MEI4: variants seen among roughly 807,000 people sequenced by gnomAD.
MEI4 encodes the protein meiosis-specific protein MEI4.
Under a neutral mutation model 31.4 loss-of-function variants are expected in MEI4, and 27 were observed. The ratio of observed to expected loss-of-function variants is 0.86; its 90% CI spans 0.63 to 1.19. The LOEUF is 1.19. Ranked by LOEUF, MEI4 falls within the 50% of genes most tolerant of loss-of-function variation. MEI4 has a pLI of 0.00. For missense variants in MEI4, 329 were observed against 398.9 expected, an observed-to-expected ratio of 0.82 and a Z score of 1.49; for synonymous variants, 122 against 145.4, an observed-to-expected ratio of 0.84 and a Z score of 1.16.
intron 2 of MEI4, among the ~76,000 whole-genome samples, chr6:77,742,160 G>A (rs1767425881): frequency 6.6e-6 from 1 of 151,926 alleles, no homozygotes; most frequent in Non-Finnish European, 1.5e-5. Context: ...TGGGTCAAAT[G>A]GTATTTCTAG....
At chr6:77,672,590 A>T (rs1015117717) in intron 1 of MEI4, among the ~76,000 whole-genome samples, 4 of 152,130 alleles carry the variant, frequency 2.6e-5, no homozygotes, top group Non-Finnish European at 5.9e-5. Context: ...CCCAGGCTGG[A>T]GTGCAGTGTC....
intron 1 of MEI4, among the ~76,000 whole-genome samples, chr6:77,666,804 AAC>A (rs1244695268): frequency 1.3e-5 from 2 of 152,104 alleles, no homozygotes; most frequent in East Asian, 3.9e-4. Context: ...TTAGAAAGAA[AAC>A]ACAACTCCTT....
At chr6:77,909,016 A>G (rs1004636079) in intron 4 of MEI4, among the ~76,000 whole-genome samples, 3 of 152,142 alleles carry the variant, frequency 2.0e-5, no homozygotes, top group Admixed American at 6.6e-5. Flanking sequence ...ATAGACATCT[A>G]CAGAACTCTC....
chr6:77,734,611 T>C (rs542405226), intron 2 of MEI4, among the ~76,000 whole-genome samples: 40 of 152,230 alleles, frequency 2.6e-4, no homozygotes, highest in African/African-American at 9.4e-4. Flanking sequence ...TCTGTGTCTT[T>C]TAATTGGAGC....
chr6:77,692,222 C>T (rs1312417234), intron 2 of MEI4, among the ~76,000 whole-genome samples: 5 of 152,038 alleles, frequency 3.3e-5, no homozygotes, highest in African/African-American at 4.8e-5. Flanking sequence ...TAAGTGACAC[C>T]TCCTCAGTGA....
At chr6:77,818,531 A>G (rs920485655) in intron 3 of MEI4, among the ~76,000 whole-genome samples, 1 of 152,136 alleles carries the variant, frequency 6.6e-6, no homozygotes, top group African/African-American at 2.4e-5. Flanking sequence ...GTCTTTGTAA[A>G]TATACACAAA....
intron 2 of MEI4, among the ~76,000 whole-genome samples, chr6:77,696,433 C>T (rs1192117707): frequency 3.3e-5 from 5 of 152,080 alleles, no homozygotes; most frequent in East Asian, 1.9e-4. Flanking sequence ...TTTTGAGGTA[C>T]GTCCCATCAA....
In MEI4 at chr6:77,899,120, C is replaced by T. The variant is rs972232664; in HGVS notation, c.901-23969C>T. ...CTGCATCTATATTTTCAAACAGGAA[C>T]GTTGATAAAGGGGAATGTGAAACGT... On this transcript the variant is annotated intron_variant, in intron 4 of 4. Transcript: ENST00000684080. Among the ~76,000 whole-genome samples, 4 of 151,982 alleles carry T rather than the reference C, an allele frequency of 2.6e-5. No homozygotes were observed. In the South Asian group the frequency reaches 8.3e-4, roughly 31 times the overall value.
At chr6:77,853,073 CT>C (rs1770666929) in intron 4 of MEI4, among the ~76,000 whole-genome samples, 1 of 152,100 alleles carries the variant, frequency 6.6e-6, no homozygotes, top group African/African-American at 2.4e-5. Context: ...TGGCACATGC[CT>C]GTAATCCCAC....
intron 2 of MEI4, among the ~76,000 whole-genome samples, chr6:77,743,854 A>G (rs540870356): frequency 6.6e-6 from 1 of 152,362 alleles, no homozygotes; most frequent in African/African-American, 2.4e-5. Context: ...TACGCAGGCA[A>G]ACAGGGTGTG....
intron 4 of MEI4, among the ~76,000 whole-genome samples, chr6:77,860,810 A>G (rs1770846145): frequency 6.6e-6 from 1 of 152,012 alleles, no homozygotes; most frequent in Admixed American, 6.6e-5. Context: ...AATCACTGAA[A>G]TTGCCTCTCC....
intron 3 of MEI4, 55 bp downstream of exon 3, chr6:77,761,720 C>T: frequency 6.2e-6 from 7 of 1,137,216 alleles, no homozygotes; most frequent in Non-Finnish European, 7.8e-6. Flanking sequence ...TAGTGAACAT[C>T]TCTTTGGGTA....
chr6:77,858,614 G>C (rs1476980742), intron 4 of MEI4, among the ~76,000 whole-genome samples: 1 of 151,934 alleles, frequency 6.6e-6, no homozygotes, highest in Admixed American at 6.6e-5. Context: ...TAAAATTTAA[G>C]GTGGCCTTTC....
At chr6:77,779,291 G>A (rs1333430280) in intron 3 of MEI4, among the ~76,000 whole-genome samples, 4 of 152,172 alleles carry the variant, frequency 2.6e-5, no homozygotes, top group African/African-American at 9.7e-5. Flanking sequence ...CAGCTTTGCT[G>A]CATGCTACTC....
chr6:77,775,551 A>G (rs1214196140), intron 3 of MEI4, among the ~76,000 whole-genome samples: 1 of 152,010 alleles, frequency 6.6e-6, no homozygotes, highest in South Asian at 2.1e-4. Context: ...TTCATGGTAT[A>G]TTTATATACC....
chr6:77,892,163 A>G (rs559702848), intron 4 of MEI4, among the ~76,000 whole-genome samples: 7 of 152,222 alleles, frequency 4.6e-5, no homozygotes, highest in African/African-American at 1.7e-4. Context: ...AGTGGTGTAC[A>G]TAGTGGGTGT....
chr6:77,694,559 A>T (rs548857289), intron 2 of MEI4, among the ~76,000 whole-genome samples: 1,543 of 152,162 alleles, frequency 0.01, 26 homozygotes, highest in African/African-American at 0.034. Flanking sequence ...GATGGTTTCC[A>T]ATTTTATCCA....
At chr6:77,763,322 A>G (rs893377219) in intron 3 of MEI4, among the ~76,000 whole-genome samples, 23 of 152,120 alleles carry the variant, frequency 1.5e-4, no homozygotes, top group African/African-American at 5.1e-4. Flanking sequence ...GTATCTCACT[A>G]TGTTCCATGC....
At chr6:77,862,719 A>C (rs1770898140) in intron 4 of MEI4, among the ~76,000 whole-genome samples, 1 of 152,204 alleles carries the variant, frequency 6.6e-6, no homozygotes, top group African/African-American at 2.4e-5. Flanking sequence ...ACAGGTTTGA[A>C]GAGAGTAGTG....
Sources: allele counts gnomAD v4.1 joint callset (sites outside exome capture counted in the v4.1 genomes callset), GRCh38; gene constraint gnomAD v4.1.1; transcripts MANE v1.5; gene names NCBI Gene and HGNC (gene_info 2026-07-23, HGNC 2026-07-21).